The following PCDH7 variants were observed in gnomAD, a reference collection of about 807,000 sequenced individuals.
PCDH7 encodes protocadherin-7.
A neutral mutation model predicts 58.9 loss-of-function variants in PCDH7; 17 were observed. The ratio of observed to expected loss-of-function variants is 0.29; its 90% confidence interval spans 0.20 to 0.43. PCDH7 has a LOEUF of 0.43. Ranked by LOEUF, PCDH7 falls within the 20% of genes least tolerant of loss-of-function variation. The pLI is 1.00. For synonymous variants in PCDH7, 664 were observed against 616.4 expected, an observed-to-expected ratio of 1.08 and a Z score of -1.14; for missense variants, 1,274 against 1,441.0, an observed-to-expected ratio of 0.88 and a Z score of 1.88.
At chr4:31,090,410 G>C (rs1378889988) in intron 3 of PCDH7, among the ~76,000 whole-genome samples, 1 of 151,836 alleles carries the variant, frequency 6.6e-6, no homozygotes, top group African/African-American at 2.4e-5. Flanking sequence ...TATCCTTTGT[G>C]TTACAAACAA....
At chr4:30,841,237 A>T (rs764067416) in intron 1 of PCDH7, among the ~76,000 whole-genome samples, 7 of 152,110 alleles carry the variant, frequency 4.6e-5, no homozygotes, top group Non-Finnish European at 8.8e-5. Flanking sequence ...AAGAAAGACA[A>T]TGAAAAAAAG....
chr4:30,929,333 G>A (rs1445857661), intron 2 of PCDH7, among the ~76,000 whole-genome samples: 1 of 152,078 alleles, frequency 6.6e-6, no homozygotes, highest in Non-Finnish European at 1.5e-5. Context: ...CCTTTATACT[G>A]AAATATAGAC....
At chr4:30,827,270 T>A (rs1469665550) in intron 1 of PCDH7, among the ~76,000 whole-genome samples, 1 of 152,186 alleles carries the variant, frequency 6.6e-6, no homozygotes, top group Non-Finnish European at 1.5e-5. Context: ...ATTAAATAGA[T>A]ATTGCAATTT....
At chr4:31,013,826 T>A (rs951401223) in intron 3 of PCDH7, among the ~76,000 whole-genome samples, 2 of 152,114 alleles carry the variant, frequency 1.3e-5, no homozygotes, top group African/African-American at 2.4e-5. Context: ...AAATGAGATT[T>A]AAAAAATGTT....
intron 1 of PCDH7, among the ~76,000 whole-genome samples, chr4:30,872,379 T>C (rs1408262870): frequency 6.6e-6 from 1 of 152,048 alleles, no homozygotes; most frequent in East Asian, 1.9e-4. Flanking sequence ...ATGAAAGCAG[T>C]CATAGGCAAT....
At chr4:30,796,412 G>A (rs1405218563) in intron 1 of PCDH7, among the ~76,000 whole-genome samples, 1 of 152,116 alleles carries the variant, frequency 6.6e-6, no homozygotes, top group African/African-American at 2.4e-5. Context: ...TTGTATCGTG[G>A]AAATAGGTGT....
chr4:30,810,740 A>G (rs1560393884), intron 1 of PCDH7, among the ~76,000 whole-genome samples: 1 of 151,750 alleles, frequency 6.6e-6, no homozygotes, highest in East Asian at 1.9e-4. Flanking sequence ...TCTCCCAAGT[A>G]GCTGGGATTA....
intron 3 of PCDH7, among the ~76,000 whole-genome samples, chr4:31,106,515 G>A (rs1366395653): frequency 6.6e-6 from 1 of 152,140 alleles, no homozygotes; most frequent in African/African-American, 2.4e-5. Context: ...ATGAAAAGGA[G>A]GTTTTATACT....
At chr4:30,825,704 G>C (rs192541668) in intron 1 of PCDH7, among the ~76,000 whole-genome samples, 135 of 152,266 alleles carry the variant, frequency 8.9e-4, no homozygotes, top group Admixed American at 2.6e-3. Context: ...TTTGAGAAGT[G>C]ACCACAGTGG....
chr4:30,824,143 CT>C (rs1491453576), intron 1 of PCDH7, among the ~76,000 whole-genome samples: 6 of 127,094 alleles, frequency 4.7e-5, no homozygotes, highest in African/African-American at 1.5e-4. Context: ...TTCTTTCTTT[CT>C]TTCTTTCTTT....
intron 3 of PCDH7, among the ~76,000 whole-genome samples, chr4:31,082,034 C>A (rs1394690508): frequency 6.6e-6 from 1 of 152,174 alleles, no homozygotes; most frequent in South Asian, 2.1e-4. Flanking sequence ...GATCTGCCCA[C>A]CTTGGCCTCC....
At chr4:30,821,068 A>G (rs979041950) in intron 1 of PCDH7, among the ~76,000 whole-genome samples, 3 of 152,144 alleles carry the variant, frequency 2.0e-5, no homozygotes, top group Admixed American at 1.3e-4. Context: ...GGACTTATGA[A>G]TTGTCACAAT....
intron 1 of PCDH7, among the ~76,000 whole-genome samples, chr4:30,782,124 T>C (rs1258815611): frequency 6.6e-6 from 1 of 152,174 alleles, no homozygotes; most frequent in Non-Finnish European, 1.5e-5. Context: ...TAAATAATCA[T>C]GATAGAGTAT....
intron 3 of PCDH7, among the ~76,000 whole-genome samples, chr4:30,956,677 G>C (rs1230595882): frequency 6.6e-6 from 1 of 152,176 alleles, no homozygotes; most frequent in Non-Finnish European, 1.5e-5. Flanking sequence ...AAGGGATTAT[G>C]AAAATTTCCT....
rs997664576 is a variant in PCDH7, at chr4:30,756,701, C to G, written c.70+32105C>G. On this transcript the variant is annotated intron_variant, in intron 1 of 3. Transcript: ENST00000509759. ...AAAACATTGTTTCATTACTCATTCT[C>G]TTCCTGTCTTTTGTTCAGTCTCTCT... Among the ~76,000 whole-genome samples the G allele has an allele frequency of 2.6e-5, 4 of 152,290 alleles. No homozygotes were observed. The East Asian group carries it at 7.7e-4, about 29-fold the overall frequency.
chr4:30,945,606 T>C (rs1746577139), intron 2 of PCDH7, among the ~76,000 whole-genome samples: 1 of 152,108 alleles, frequency 6.6e-6, no homozygotes, highest in Non-Finnish European at 1.5e-5. Flanking sequence ...AAACAAGTAT[T>C]CTCTATTTAT....
At chr4:30,994,204 T>G (rs1751692273) in intron 3 of PCDH7, among the ~76,000 whole-genome samples, 1 of 152,202 alleles carries the variant, frequency 6.6e-6, no homozygotes, top group Admixed American at 6.5e-5. Context: ...TAAGAATAAA[T>G]TATGCATTTT....
chr4:31,077,685 A>G (rs1254704394), intron 3 of PCDH7, among the ~76,000 whole-genome samples: 1 of 152,160 alleles, frequency 6.6e-6, no homozygotes, highest in East Asian at 1.9e-4. Context: ...GTGAGAGCTG[A>G]TAGGATAGGT....
chr4:30,931,602 T>G (rs1209236802), intron 2 of PCDH7, among the ~76,000 whole-genome samples: 1 of 151,442 alleles, frequency 6.6e-6, no homozygotes, highest in Admixed American at 6.6e-5. Flanking sequence ...AATATATATA[T>G]GTAGTAAGTA....
Sources: allele counts gnomAD v4.1 joint callset (sites outside exome capture counted in the v4.1 genomes callset), GRCh38; gene constraint gnomAD v4.1.1; transcripts MANE v1.5; gene names NCBI Gene and HGNC (gene_info 2026-07-23, HGNC 2026-07-21).